Variants in COPZ2 observed in about 807,000 individuals in gnomAD.
COPZ2 encodes the protein coatomer subunit zeta-2.
In COPZ2, 30 loss-of-function variants were observed where a neutral mutation model predicts 33.2. The observed-to-expected ratio is 0.90, with a 90% CI of 0.68 to 1.23. COPZ2 has a LOEUF of 1.23. COPZ2 is among the 50% of genes most tolerant of loss of function. The pLI is 0.00. For missense variants in COPZ2, 263 were observed against 262.4 expected (o/e 1.00, Z -0.02); for synonymous variants, 89 against 102.6 (o/e 0.87, Z 0.80).
rs776257077 is a variant in COPZ2, at chr17:48,036,875, A to G, written c.162T>C (p.Asn54=). 1.2e-6 allele frequency: 2 copies of G among 1,613,916 alleles called. No individual in the cohort carries two copies. The highest frequency in any genetic ancestry group is 1.7e-6 in the Non-Finnish European group (2 of 1,179,864). ...YTIKAVFILD[N]DGRRLLAKYY... ...CCTTGGCCAGCAGCCGGCGCCCGTC[A>G]TTATCTAGGATGAAAACAGCCTTGA... Residue 54 remains asparagine (N), a synonymous_variant, in exon 2 of 9, where the codon AAT becomes AAC. Coordinates refer to ENST00000621465, the MANE Select transcript of COPZ2 (RefSeq NM_016429.4).
rs1240331323 is a variant in COPZ2, at chr17:48,028,768, G to A, written c.547-258C>T. On this transcript the variant is annotated intron_variant, in intron 7 of 8. Coordinates refer to ENST00000621465, the MANE Select transcript of COPZ2 (RefSeq NM_016429.4). This position sits in a 1 kb window ranked among gnomAD's most constrained non-coding sequence, Gnocchi z 4.5. The stretch of plus-strand genomic sequence containing the variant: ...GGGAAGAAAGGTTTCATCCAGACAT[G>A]AGAAAGCCAAACAAGGCAGGGAGGT... 6.6e-6 allele frequency among the ~76,000 whole-genome samples: 1 copy of A among 152,144 alleles called. No individual in the cohort carries two copies. Among genetic ancestry groups the A allele is most frequent in the Non-Finnish European group, 1.5e-5 (1 of 68,014 alleles).
chr17:48,029,134 C>T lies in COPZ2; in HGVS notation c.537G>A (p.Val179=), dbSNP rs750369852. The T allele has an allele frequency of 1.1e-5, 17 of 1,578,034 alleles. No individual in the cohort carries two copies. The highest frequency in any genetic ancestry group is 1.7e-4 in the Middle Eastern group (1 of 6,014). ...ESDPQQVIQK[V]NFRADDGGLT... The stretch of plus-strand genomic sequence containing the variant: ...CCAGGAAGACTCTTACCCTAAAATT[C>T]ACCTTCTGGATCACTTGCTGGGGGT... Residue 179 remains valine, a synonymous_variant, in exon 7 of 9, where the codon GTG becomes GTA. Transcript: ENST00000621465.
upstream of COPZ2, among the ~76,000 whole-genome samples, chr17:48,042,337 G>A (rs578195992): frequency 6.6e-6 from 1 of 152,252 alleles, no homozygotes; most frequent in East Asian, 1.9e-4. Context: ...GTTTCACTAT[G>A]TTGTTTGGCT....
At chr17:48,030,096 C>A (rs902315403) in intron 6 of COPZ2, among the ~76,000 whole-genome samples, 5 of 151,772 alleles carry the variant, frequency 3.3e-5, no homozygotes, top group African/African-American at 1.2e-4. Flanking sequence ...CCAGCCTGGC[C>A]AATATGGTGA....
chr17:48,029,686 A>AGGCTG (rs2036864709), intron 6 of COPZ2, among the ~76,000 whole-genome samples: 1 of 142,960 alleles, frequency 7.0e-6, no homozygotes, highest in East Asian at 2.0e-4. Context: ...TTTTTTTTTA[A>AGGCTG]GGCTGGGCAC....
Position 48,029,174 on chromosome 17 carries a change from A to G in COPZ2, c.497T>C (p.Val166Ala). 1.9e-6 allele frequency: 3 copies of G among 1,573,494 alleles called. No individual in the cohort carries two copies. Among genetic ancestry groups the G allele is most frequent in the Non-Finnish European group, 2.6e-6 (3 of 1,159,218 alleles). ...LVLDEIVDGG[V>A]ILESDPQQVI... is the part of the protein sequence containing the mutation. ...TTGCTGGGGGTCACTCTCCAGAATC[A>G]CACTACAAGATGAGAGGAAAAACCA... The change falls in exon 7 of 9, where the codon GTG (valine) becomes GCG (alanine). Residue 166 changes from valine to alanine, a missense_variant and splice_region_variant. Coordinates refer to ENST00000621465, the MANE Select transcript of COPZ2 (RefSeq NM_016429.4).
chr17:48,026,937 A>G (rs2036826312), intron 8 of COPZ2, among the ~76,000 whole-genome samples: 1 of 152,270 alleles, frequency 6.6e-6, no homozygotes, highest in African/African-American at 2.4e-5. Flanking sequence ...AAGGGTGGCC[A>G]GCCAGACCCT....
intron 3 of COPZ2, 74 bp downstream of exon 3, chr17:48,033,789 G>A (rs2036935811): frequency 2.5e-6 from 3 of 1,191,114 alleles, no homozygotes; most frequent in Non-Finnish European, 3.7e-6. Flanking sequence ...AGGCTGATGG[G>A]GACAGATGTG....
upstream of COPZ2, among the ~76,000 whole-genome samples, chr17:48,042,656 T>C (rs1346903068): frequency 6.6e-6 from 1 of 151,850 alleles, no homozygotes; most frequent in African/African-American, 2.4e-5. Context: ...GAGACGGGGT[T>C]TCACCATGTT....
rs758461768 is a variant in COPZ2 at position 48,037,170 on chromosome 17, G to A, written c.112-245C>T. 7 of 743,022 alleles carry A rather than the reference G, an allele frequency of 9.4e-6. No homozygotes were observed. The highest frequency in any genetic ancestry group is 6.9e-5 in the African/African-American group (4 of 58,306). The allele number at this position is 743,022 out of a possible 1,614,324, so 46.0% of individuals were successfully genotyped here. ...CCCGTTGGGTGCAGAAGGTCCTTCCGGGCCCAAGTTCTGTCATGCACTGAC... is the reference window on the plus strand; with the variant it reads ...CCCGTTGGGTGCAGAAGGTCCTTCCAGGCCCAAGTTCTGTCATGCACTGAC... On this transcript the variant is annotated intron_variant, in intron 1 of 8. Coordinates refer to ENST00000621465, the MANE Select transcript of COPZ2 (RefSeq NM_016429.4). The surrounding 1 kb of genome is among the most constrained non-coding windows in gnomAD (Gnocchi z 5.6).
At chr17:48,034,923 T>C (rs961371631) in intron 2 of COPZ2, among the ~76,000 whole-genome samples, 1 of 151,644 alleles carries the variant, frequency 6.6e-6, no homozygotes, top group Admixed American at 6.6e-5. Flanking sequence ...GAGGCGGAGG[T>C]TGCAGTGAGC....
chr17:48,037,860 C>A (rs187959271), upstream of COPZ2: 89,790 of 981,162 alleles, frequency 0.092, 4,543 homozygotes, highest in Non-Finnish European at 0.1. The surrounding 1 kb of genome is among the most constrained non-coding windows in gnomAD (Gnocchi z 5.6). Context: ...CCGCGGCCCC[C>A]TCTCGCGCGT....
chr17:48,037,706 CG>C lies in COPZ2; in HGVS notation c.71del (p.Pro24ArgfsTer29). On this transcript the variant is annotated frameshift_variant, in exon 1 of 9. Coordinates refer to ENST00000621465, the MANE Select transcript of COPZ2 (RefSeq NM_016429.4). LOFTEE classifies it high-confidence loss of function. The surrounding 1 kb of genome is among the most constrained non-coding windows in gnomAD (Gnocchi z 5.6). ...EGAAAAQAGG[P>X]APPARAGEPS... ...GCTCCCCGGCTCGAGCAGGCGGCGC[CG>C]GGCCCCCGGCCTGGGCCGCCGCGGC... 9.4e-7 allele frequency: 1 copy of C among 1,068,488 alleles called. No homozygotes were observed. The highest frequency in any genetic ancestry group is 1.1e-6 in the Non-Finnish European group (1 of 886,844). The allele number at this position is 1,068,488 out of a possible 1,614,324, so 66.2% of individuals were successfully genotyped here.
At position 48,037,577 on chromosome 17, in the gene COPZ2, G is replaced by T; in HGVS notation, c.111+90C>A. ...CACAAAGTTCCCAGCCGCCGGGCGC[G>T]CGAGTTCTGAGTTGGCTGCTCCCCC... On this transcript the variant is annotated intron_variant, in intron 1 of 8. Transcript: ENST00000621465. This position sits in a 1 kb window ranked among gnomAD's most constrained non-coding sequence, Gnocchi z 5.6. 9.8e-7 allele frequency: 1 copy of T among 1,016,830 alleles called. No homozygotes were observed. The highest frequency in any genetic ancestry group is 1.2e-6 in the Non-Finnish European group (1 of 839,446). The allele number at this position is 1,016,830 out of a possible 1,614,324, so 63.0% of individuals were successfully genotyped here.
In COPZ2 at chr17:48,028,087, A is replaced by G. The variant is rs974300016; in HGVS notation, c.585+385T>C. 3.3e-5 allele frequency among the ~76,000 whole-genome samples: 5 copies of G among 152,148 alleles called. No homozygotes were observed. The highest frequency in any genetic ancestry group is 4.8e-5 in the African/African-American group (2 of 41,416). On this transcript the variant is annotated intron_variant, in intron 8 of 8. Transcript: ENST00000621465. This position sits in a 1 kb window ranked among gnomAD's most constrained non-coding sequence, Gnocchi z 4.5. ...GACAGGGGTTAAGAGCCAAACTCCT[A>G]TTTGGTACCCTTTCCAGGTTTCGGT... is the stretch of plus-strand genomic sequence containing the variant.
intron 6 of COPZ2, among the ~76,000 whole-genome samples, chr17:48,031,468 A>G (rs892504314): frequency 2.0e-5 from 3 of 152,008 alleles, no homozygotes; most frequent in Non-Finnish European, 4.4e-5. Context: ...AAAAAAAAAA[A>G]AAAGAAATTT....
chr17:48,027,181 G>T (rs2036829319), intron 8 of COPZ2, among the ~76,000 whole-genome samples: 1 of 152,208 alleles, frequency 6.6e-6, no homozygotes. Flanking sequence ...GGGTTCCCCT[G>T]ATTCTCCTAG....
chr17:48,043,873 A>G, the COPZ2 span, among the ~76,000 whole-genome samples: 1 of 152,192 alleles, frequency 6.6e-6, no homozygotes, highest in African/African-American at 2.4e-5. Flanking sequence ...TGAGTGTGAC[A>G]TGTCACACAG....
chr17:48,034,089 A>G, intron 2 of COPZ2, 145 bp from the exon 3 acceptor site: 1 of 605,060 alleles, frequency 1.7e-6, no homozygotes, highest in Non-Finnish European at 3.0e-6. Context: ...CTAGGCCTGC[A>G]GGCTCATTAC....
Sources: allele counts gnomAD v4.1 joint callset (sites outside exome capture counted in the v4.1 genomes callset), GRCh38; gene constraint gnomAD v4.1.1; non-coding constraint Gnocchi (gnomAD v3.1); transcripts MANE v1.5; gene names NCBI Gene and HGNC (gene_info 2026-07-23, HGNC 2026-07-21).